The following FGF14 variants were observed in gnomAD, a reference collection of about 807,000 sequenced individuals.
FGF14 encodes the protein fibroblast growth factor homologous factor 4.
FGF14 carries 5 observed loss-of-function variants against 25.5 expected under a neutral mutation model. The ratio of observed to expected loss-of-function variants is 0.20; its 90% CI spans 0.10 to 0.41. The LOEUF is 0.41. Among genes scored for constraint, FGF14 ranks in the 10% least tolerant of loss-of-function variants. The pLI, the probability that FGF14 is intolerant of heterozygous loss-of-function variation, is 1.00. For synonymous variants in FGF14, 138 were observed against 118.3 expected (o/e 1.17, Z -1.08); for missense variants, 222 against 320.1 (o/e 0.69, Z 2.34).
chr13:101,820,822 CCA>C (rs1284108682), intron 3 of FGF14, among the ~76,000 whole-genome samples: 2 of 100,382 alleles, frequency 2.0e-5, no homozygotes, highest in African/African-American at 5.8e-5. Flanking sequence ...CACACACACA[CCA>C]CACACACAGA....
chr13:101,948,382 T>C (rs2035943353), intron 1 of FGF14, among the ~76,000 whole-genome samples: 1 of 151,826 alleles, frequency 6.6e-6, no homozygotes, highest in Admixed American at 6.6e-5. Context: ...GAAGAGGGAA[T>C]AGATGTGGTT....
At chr13:101,946,511 G>A (rs2035818029) in intron 1 of FGF14, among the ~76,000 whole-genome samples, 1 of 152,138 alleles carries the variant, frequency 6.6e-6, no homozygotes, top group Non-Finnish European at 1.5e-5. Context: ...AGGCAATGCA[G>A]TCCATATGGT....
Position 101,717,695 on chromosome 13 carries a change from G to C in FGF14, c.*5136C>G, listed in dbSNP as rs1217706142. 2 of 151,954 alleles carry C rather than the reference G, an allele frequency of 1.3e-5. No individual in the cohort carries two copies. Among genetic ancestry groups the C allele is most frequent in the Non-Finnish European group, 2.9e-5 (2 of 68,004 alleles). The allele number at this position is 151,954 out of a possible 1,614,324, so 9.4% of individuals were successfully genotyped here. On this transcript the variant is annotated 3_prime_UTR_variant, in exon 5 of 5. Transcript: ENST00000376143. ...GTTGGTTTCTGTTTAATACTTTAAAGCTGTAAAAAAAATTTAAAAAATTCC... is the reference window on the plus strand; with the variant it reads ...GTTGGTTTCTGTTTAATACTTTAAACCTGTAAAAAAAATTTAAAAAATTCC...
intron 1 of FGF14, among the ~76,000 whole-genome samples, chr13:102,305,742 T>C (rs1021435982): frequency 3.3e-5 from 5 of 152,186 alleles, no homozygotes; most frequent in Admixed American, 3.3e-4. Context: ...CTCAGCCAAG[T>C]GAACCCACAT....
chr13:102,305,319 T>C (rs1280368229), intron 1 of FGF14, among the ~76,000 whole-genome samples: 2 of 152,094 alleles, frequency 1.3e-5, no homozygotes, highest in Non-Finnish European at 2.9e-5. Flanking sequence ...CCAATGACTT[T>C]AAACTTTAAA....
intron 1 of FGF14, among the ~76,000 whole-genome samples, chr13:102,206,878 G>A (rs936626039): frequency 2.0e-5 from 3 of 152,042 alleles, no homozygotes; most frequent in African/African-American, 4.8e-5. Flanking sequence ...CATTTTATCA[G>A]GTATAAAGCC....
intron 1 of FGF14, among the ~76,000 whole-genome samples, chr13:102,088,213 C>G (rs2044013168): frequency 2.0e-5 from 3 of 152,188 alleles, no homozygotes; most frequent in East Asian, 1.9e-4. Flanking sequence ...AACTGTCAAC[C>G]TGCAATCAGT....
At chr13:101,934,377 G>A (rs1024258642) in intron 1 of FGF14, among the ~76,000 whole-genome samples, 6 of 152,136 alleles carry the variant, frequency 3.9e-5, no homozygotes, top group African/African-American at 1.2e-4. Flanking sequence ...GAGCACAATC[G>A]TGATTCCATT....
chr13:101,867,039 A>G (rs1459111400), intron 3 of FGF14, among the ~76,000 whole-genome samples: 4 of 152,148 alleles, frequency 2.6e-5, no homozygotes, highest in African/African-American at 7.2e-5. Context: ...AGGAGAGAAC[A>G]ACGTACCCAG....
At chr13:102,149,464 A>C (rs775673181) in intron 1 of FGF14, among the ~76,000 whole-genome samples, 22 of 152,238 alleles carry the variant, frequency 1.4e-4, no homozygotes, top group Non-Finnish European at 2.6e-4. Flanking sequence ...GAAGACCCTG[A>C]CATCACACTC....
chr13:101,944,730 TGCTACA>T (rs1423934250), intron 1 of FGF14, among the ~76,000 whole-genome samples: 1 of 152,166 alleles, frequency 6.6e-6, no homozygotes, highest in Non-Finnish European at 1.5e-5. Context: ...TTCTGACTCA[TGCTACA>T]GCATGAATGA....
intron 1 of FGF14, among the ~76,000 whole-genome samples, chr13:102,172,696 G>T (rs1252176800): frequency 1.3e-5 from 2 of 152,118 alleles, no homozygotes; most frequent in Non-Finnish European, 2.9e-5. Context: ...AATGTTTTGA[G>T]CCCACAATGA....
intron 3 of FGF14, among the ~76,000 whole-genome samples, chr13:101,755,530 CA>C (rs2139867765): frequency 6.6e-6 from 1 of 152,146 alleles, no homozygotes; most frequent in East Asian, 1.9e-4. Flanking sequence ...AAATAATGAT[CA>C]AAAGAGTTGG....
chr13:101,876,653 A>G (rs1417447940), intron 1 of FGF14, among the ~76,000 whole-genome samples: 2 of 152,194 alleles, frequency 1.3e-5, no homozygotes, highest in East Asian at 3.9e-4. Flanking sequence ...CATCAGTGTG[A>G]CTAGCTGTAT....
intron 1 of FGF14, among the ~76,000 whole-genome samples, chr13:102,301,867 C>CACACACA (rs1555397356): frequency 4.1e-5 from 6 of 148,100 alleles, no homozygotes; most frequent in Admixed American, 3.4e-4. Context: ...CACACACACA[C>CACACACA]TTTACTCTCA....
intron 1 of FGF14, among the ~76,000 whole-genome samples, chr13:102,017,850 T>A (rs2040427050): frequency 6.6e-6 from 1 of 152,140 alleles, no homozygotes; most frequent in Non-Finnish European, 1.5e-5. Context: ...ATTCTTCAAT[T>A]TGATCTTCTA....
intron 1 of FGF14, among the ~76,000 whole-genome samples, chr13:102,133,115 A>G (rs1248754847): frequency 6.6e-6 from 1 of 152,240 alleles, no homozygotes; most frequent in Non-Finnish European, 1.5e-5. Context: ...ATTTATTTTC[A>G]TCAGCGATTT....
chr13:102,268,287 A>G (rs2053087197), intron 1 of FGF14, among the ~76,000 whole-genome samples: 1 of 152,104 alleles, frequency 6.6e-6, no homozygotes, highest in Non-Finnish European at 1.5e-5. Flanking sequence ...AATAATCCAC[A>G]CAAAGGAATA....
chr13:102,344,133 T>C (rs752609984), intron 1 of FGF14, among the ~76,000 whole-genome samples: 2 of 152,246 alleles, frequency 1.3e-5, no homozygotes, highest in Non-Finnish European at 2.9e-5. Context: ...ACTTACGAAA[T>C]GATCCTCCAT....
Sources: allele counts gnomAD v4.1 joint callset (sites outside exome capture counted in the v4.1 genomes callset), GRCh38; gene constraint gnomAD v4.1.1; transcripts MANE v1.5; gene names NCBI Gene and HGNC (gene_info 2026-07-23, HGNC 2026-07-21).